GALNT10: variants seen among roughly 807,000 people sequenced by gnomAD.
GALNT10 encodes the protein polypeptide N-acetylgalactosaminyltransferase 10.
In GALNT10, 41 loss-of-function variants were observed where a neutral mutation model predicts 75.0. The observed-to-expected ratio is 0.55, with a 90% CI of 0.43 to 0.71. The LOEUF is 0.71. Ranked by LOEUF, GALNT10 falls within the 30% of genes least tolerant of loss-of-function variation. GALNT10 has a pLI of 0.00. For synonymous variants in GALNT10, 302 were observed against 313.0 expected (o/e 0.96, Z 0.37); for missense variants, 727 against 818.5 (o/e 0.89, Z 1.36).
At chr5:154,282,916 A>G (rs147758200) in intron 1 of GALNT10, among the ~76,000 whole-genome samples, 56 of 152,350 alleles carry the variant, frequency 3.7e-4, no homozygotes, top group African/African-American at 1.3e-3. Context: ...ATGATCATCC[A>G]AATGAATGTG....
rs1561686369 is a variant in GALNT10 at position 154,409,514 on chromosome 5, A to AC, written c.1165-23dup. 1.4e-6 allele frequency: 2 copies of AC among 1,468,314 alleles called. No individual in the cohort carries two copies. The highest frequency in any genetic ancestry group is 1.9e-6 in the Non-Finnish European group (2 of 1,046,828). 91.0% of individuals were successfully genotyped at this position (1,468,314 alleles called of 1,614,324 possible). A position where few individuals can be genotyped will look rare whatever the true frequency, so the allele number is the denominator to read the frequency against. On this transcript the variant is annotated intron_variant, in intron 8 of 11. Transcript: ENST00000297107. The surrounding 1 kb of genome is among the most constrained non-coding windows in gnomAD (Gnocchi z 4.5). ...TGGCTTTGGCTTCTTGGAAAGACTG[A>AC]CCCCTCCATTGCTTCTTGCCCCATA...
chr5:154,338,193 CT>C, intron 4 of GALNT10: 1 of 765,800 alleles, frequency 1.3e-6, no homozygotes, highest in Non-Finnish European at 2.4e-6. Context: ...CTTCCATCCA[CT>C]TTGTGTGGCC....
rs113250549 is a variant in GALNT10 at position 154,355,978 on chromosome 5, G to A, written c.569-20299G>A. The stretch of plus-strand genomic sequence containing the variant: ...CCCTCCCTCTTCCAGGTCATAGACC[G>A]AGTACCTGGCTGCCACTGTCAGACA... On this transcript the variant is annotated intron_variant, in intron 4 of 11. Transcript: ENST00000297107. Among the ~76,000 whole-genome samples the A allele has an allele frequency of 8.6e-3, 1,315 of 152,252 alleles. 23 individuals are homozygous for A. The highest frequency in any genetic ancestry group is 0.031 in the African/African-American group (1,277 of 41,526).
At chr5:154,278,727 C>T (rs1283726955) in intron 1 of GALNT10, among the ~76,000 whole-genome samples, 1 of 152,154 alleles carries the variant, frequency 6.6e-6, no homozygotes, top group Non-Finnish European at 1.5e-5. Context: ...TCCCCTGTAA[C>T]CTCTGTTCTA....
intron 7 of GALNT10, 64 bp from the exon 8 acceptor site, chr5:154,404,040 G>T: frequency 7.8e-7 from 1 of 1,286,346 alleles, no homozygotes; most frequent in Non-Finnish European, 1.1e-6. Flanking sequence ...AAGGGATGCT[G>T]GCCTGGCGGG....
At position 154,409,369 on chromosome 5, in the gene GALNT10, T is replaced by A; in HGVS notation, c.1165-172T>A. The A allele has an allele frequency of 1.5e-6, 1 of 676,942 alleles. No individual in the cohort carries two copies. Among genetic ancestry groups the A allele is most frequent in the South Asian group, 1.7e-5 (1 of 58,780 alleles). 41.9% of individuals were successfully genotyped at this position (676,942 alleles called of 1,614,324 possible). On this transcript the variant is annotated intron_variant, in intron 8 of 11. Coordinates refer to ENST00000297107, the MANE Select transcript of GALNT10 (RefSeq NM_198321.4). This position sits in a 1 kb window ranked among gnomAD's most constrained non-coding sequence, Gnocchi z 4.5. ...TATAAGCTGTGAAGCCCTTAAAACA[T>A]GCATAATGATAAATAGAAACACAGA...
At position 154,371,630 on chromosome 5, in the gene GALNT10, C is replaced by T. The variant is rs539392900; in HGVS notation, c.569-4647C>T. On this transcript the variant is annotated intron_variant, in intron 4 of 11. Coordinates refer to ENST00000297107, the MANE Select transcript of GALNT10 (RefSeq NM_198321.4). ...CATGTAGAGAGAGGACTGTGGGAAG[C>T]GTGGGCCCTGAGTTCTGGCCTCACT... 7.6e-5 allele frequency among the ~76,000 whole-genome samples: 10 copies of T among 131,194 alleles called. No individual in the cohort carries two copies. The East Asian group carries it at 1.9e-3, about 26-fold the overall frequency. 86.1% of individuals were successfully genotyped at this position (131,194 alleles called of 152,430 possible).
chr5:154,221,972 A>T (rs1752986396), intron 1 of GALNT10, among the ~76,000 whole-genome samples: 1 of 152,062 alleles, frequency 6.6e-6, no homozygotes, highest in African/African-American at 2.4e-5. Flanking sequence ...TAGTTGAAGT[A>T]TATTTGAATT....
At chr5:154,332,509 C>G (rs1014198899) in intron 4 of GALNT10, among the ~76,000 whole-genome samples, 6 of 152,172 alleles carry the variant, frequency 3.9e-5, no homozygotes, top group Non-Finnish European at 7.3e-5. Context: ...TAGGCTGCAC[C>G]ACTACCATTA....
intron 7 of GALNT10, among the ~76,000 whole-genome samples, chr5:154,397,001 C>T (rs1285124480): frequency 1.3e-5 from 2 of 151,900 alleles, no homozygotes; most frequent in African/African-American, 2.4e-5. Context: ...GTGGTGGGCA[C>T]CTGTAATCCC....
At chr5:154,296,117 C>T (rs1401611498) in intron 2 of GALNT10, among the ~76,000 whole-genome samples, 2 of 152,072 alleles carry the variant, frequency 1.3e-5, no homozygotes, top group African/African-American at 4.8e-5. Flanking sequence ...GATGGAGTCT[C>T]ACTCTGTCAC....
At chr5:154,284,385 C>T (rs1476550785) in intron 1 of GALNT10, among the ~76,000 whole-genome samples, 2 of 152,190 alleles carry the variant, frequency 1.3e-5, no homozygotes, top group African/African-American at 4.8e-5. Flanking sequence ...ATAATTATTA[C>T]TATTATTAGA....
chr5:154,259,930 T>G (rs1353137974), intron 1 of GALNT10, among the ~76,000 whole-genome samples: 4 of 152,178 alleles, frequency 2.6e-5, no homozygotes, highest in Non-Finnish European at 5.9e-5. Context: ...GAATATAAAA[T>G]TCATAAAACA....
intron 1 of GALNT10, among the ~76,000 whole-genome samples, 181 bp from the exon 2 acceptor site, chr5:154,294,635 C>T (rs1194770146): frequency 6.6e-6 from 1 of 152,128 alleles, no homozygotes; most frequent in Non-Finnish European, 1.5e-5. Flanking sequence ...ATCTTGCTGA[C>T]CTTTGCAAAC....
At chr5:154,355,289 C>T (rs1755272440) in intron 4 of GALNT10, among the ~76,000 whole-genome samples, 1 of 152,232 alleles carries the variant, frequency 6.6e-6, no homozygotes, top group African/African-American at 2.4e-5. Context: ...CTTTCATGAC[C>T]CAATGCATAT....
chr5:154,261,059 C>T (rs188303846), intron 1 of GALNT10, among the ~76,000 whole-genome samples: 7 of 86,150 alleles, frequency 8.1e-5, no homozygotes, highest in South Asian at 4.2e-4. Flanking sequence ...TGGGCTGGGG[C>T]GGGGGTGGGG....
At position 154,190,813 on chromosome 5, in the gene GALNT10, A is replaced by C; in HGVS notation, c.-54A>C. 1.0e-6 allele frequency: 1 copy of C among 981,922 alleles called. No homozygotes were observed. The highest frequency in any genetic ancestry group is 1.2e-6 in the Non-Finnish European group (1 of 813,148). 60.8% of individuals were successfully genotyped at this position (981,922 alleles called of 1,614,324 possible). On this transcript the variant is annotated 5_prime_UTR_variant, in exon 1 of 12. Coordinates refer to ENST00000297107, the MANE Select transcript of GALNT10 (RefSeq NM_198321.4). ...GCCGGGCGGACGGGCGGACGCGCGG[A>C]GCTGGGGGCGGCGCGGCGGGGCCGG...
chr5:154,395,069 G>A (rs1031398702), intron 7 of GALNT10, among the ~76,000 whole-genome samples: 1 of 152,212 alleles, frequency 6.6e-6, no homozygotes, highest in Non-Finnish European at 1.5e-5. Context: ...CCCGAGGGTC[G>A]CCTGTGTGTA....
At chr5:154,296,346 T>C (rs989814450) in intron 2 of GALNT10, among the ~76,000 whole-genome samples, 1 of 152,230 alleles carries the variant, frequency 6.6e-6, no homozygotes, top group South Asian at 2.1e-4. Context: ...TCTGCCCACC[T>C]CGGCCTTCCA....
Sources: allele counts gnomAD v4.1 joint callset (sites outside exome capture counted in the v4.1 genomes callset), GRCh38; gene constraint gnomAD v4.1.1; non-coding constraint Gnocchi (gnomAD v3.1); transcripts MANE v1.5; gene names NCBI Gene and HGNC (gene_info 2026-07-23, HGNC 2026-07-21).